Variants in MEF2A observed in about 807,000 individuals in gnomAD.
MEF2A encodes myocyte-specific enhancer factor 2A.
Under a neutral mutation model 55.8 loss-of-function variants are expected in MEF2A, and 28 were observed. The ratio of observed to expected loss-of-function variants is 0.50; its 90% CI spans 0.37 to 0.69. MEF2A has a LOEUF of 0.69. MEF2A is among the 30% of genes least tolerant of loss of function. The pLI, the probability that MEF2A is intolerant of heterozygous loss-of-function variation, is 0.00. For missense variants in MEF2A, 528 were observed against 626.2 expected, an observed-to-expected ratio of 0.84 and a Z score of 1.67; for synonymous variants, 239 against 227.1, an observed-to-expected ratio of 1.05 and a Z score of -0.47.
At chr15:99,571,195 A>ACAAC (rs1170758277) in intron 1 of MEF2A, among the ~76,000 whole-genome samples, 1 of 151,324 alleles carries the variant, frequency 6.6e-6, no homozygotes, top group African/African-American at 2.4e-5. Flanking sequence ...AAAAAAAAAA[A>ACAAC]AACAACAACA....
chr15:99,619,245 G>A (rs1596516704), intron 2 of MEF2A, among the ~76,000 whole-genome samples: 1 of 152,090 alleles, frequency 6.6e-6, no homozygotes, highest in African/African-American at 2.4e-5. Context: ...ACAGTCCCTG[G>A]GCAAGGCTGC....
chr15:99,700,778 G>A (rs1567486225), intron 8 of MEF2A, among the ~76,000 whole-genome samples: 1 of 152,136 alleles, frequency 6.6e-6, no homozygotes, highest in Non-Finnish European at 1.5e-5. Flanking sequence ...AAAGTCACGG[G>A]AGCTGGCCTT....
rs144276253 is a variant in MEF2A, at chr15:99,699,508, CTG to C, written c.859-3852_859-3851del. Among the ~76,000 whole-genome samples, 1,275 of 152,240 alleles carry C rather than the reference CTG, an allele frequency of 8.4e-3. 18 individuals carry two copies. The highest frequency in any genetic ancestry group is 0.028 in the African/African-American group (1,151 of 41,534). On this transcript the variant is annotated intron_variant, in intron 8 of 11. Transcript: ENST00000557942. ...TCTGTGTTTGTTGAAACTCATGAAA[CTG>C]TACCTACAAAGAGTGACTTTTACTA...
At chr15:99,637,896 G>T (rs1183483994) in intron 3 of MEF2A, among the ~76,000 whole-genome samples, 1 of 152,120 alleles carries the variant, frequency 6.6e-6, no homozygotes, top group Admixed American at 6.5e-5. Flanking sequence ...GCCCGCCTCG[G>T]CCTCCCAAAG....
At chr15:99,711,106 A>C (rs7167042) in intron 11 of MEF2A, among the ~76,000 whole-genome samples, 12,504 of 152,214 alleles carry the variant, frequency 0.082, 826 homozygotes, top group African/African-American at 0.18. Flanking sequence ...GAAGCTGCCT[A>C]CTGCACCCCT....
At chr15:99,706,559 A>G (rs1307806161) in intron 9 of MEF2A, 170 bp from the exon 10 acceptor site, 2 of 663,514 alleles carry the variant, frequency 3.0e-6, no homozygotes, top group Non-Finnish European at 5.0e-6. Context: ...GGACCCTTCA[A>G]ATTAAATATT....
In MEF2A at chr15:99,693,151, G is replaced by A. The variant is rs537148388; in HGVS notation, c.858+2723G>A. On this transcript the variant is annotated intron_variant, in intron 8 of 11. Coordinates refer to ENST00000557942, the MANE Select transcript of MEF2A (RefSeq NM_001319206.4). ...GTCCAGCTTCTAATGAAATTAACTC[G>A]ATTCTTGCACTAATAGCTTAGCAGG... 5.6e-4 allele frequency among the ~76,000 whole-genome samples: 85 copies of A among 152,224 alleles called. 1 individual carries two copies. The highest frequency in any genetic ancestry group is 2.0e-3 in the African/African-American group (84 of 41,518).
At chr15:99,595,000 G>A (rs899209286) in intron 1 of MEF2A, among the ~76,000 whole-genome samples, 4 of 152,116 alleles carry the variant, frequency 2.6e-5, no homozygotes, top group Non-Finnish European at 5.9e-5. Context: ...TATTGCTATA[G>A]TAGGCATTCA....
intron 3 of MEF2A, among the ~76,000 whole-genome samples, chr15:99,644,142 A>G (rs545981480): frequency 1.3e-4 from 20 of 152,356 alleles, no homozygotes; most frequent in South Asian, 2.1e-4. Flanking sequence ...CTTGACAAAT[A>G]CAGAGAAAAC....
chr15:99,611,237 G>A (rs1222672665), intron 2 of MEF2A, among the ~76,000 whole-genome samples: 4 of 152,230 alleles, frequency 2.6e-5, no homozygotes, highest in Non-Finnish European at 4.4e-5. Context: ...ACGAGACTCT[G>A]TCTCAAAAAC....
At chr15:99,607,986 A>G (rs1236774184) in intron 2 of MEF2A, among the ~76,000 whole-genome samples, 1 of 152,190 alleles carries the variant, frequency 6.6e-6, no homozygotes, top group Non-Finnish European at 1.5e-5. Context: ...GTAGAAATGA[A>G]TTGAGGTAGT....
At chr15:99,568,278 T>C (rs1960618773) in intron 1 of MEF2A, among the ~76,000 whole-genome samples, 2 of 152,210 alleles carry the variant, frequency 1.3e-5, no homozygotes, top group Admixed American at 1.3e-4. Flanking sequence ...TGAGAATAAT[T>C]TCCTTCTGTA....
At chr15:99,674,808 A>G (rs2051600467) in intron 6 of MEF2A, among the ~76,000 whole-genome samples, 196 bp downstream of exon 6, 1 of 152,194 alleles carries the variant, frequency 6.6e-6, no homozygotes, top group Non-Finnish European at 1.5e-5. Context: ...GCAAAGTAGA[A>G]CAGTACTGAG....
At chr15:99,670,549 G>T (rs1282940276) in intron 4 of MEF2A, among the ~76,000 whole-genome samples, 1 of 152,112 alleles carries the variant, frequency 6.6e-6, no homozygotes, top group Non-Finnish European at 1.5e-5. Context: ...GGCGGAGCTT[G>T]CAGTGAGCCA....
At chr15:99,639,581 G>C (rs1037807099) in intron 3 of MEF2A, among the ~76,000 whole-genome samples, 1 of 152,126 alleles carries the variant, frequency 6.6e-6, no homozygotes, top group African/African-American at 2.4e-5. Flanking sequence ...AAGTTGCTCT[G>C]TGATAGTTTC....
Position 99,675,382 on chromosome 15 carries a change from C to G in MEF2A, c.611-17C>G, listed in dbSNP as rs1345017067. 3 of 1,612,516 alleles carry G rather than the reference C, an allele frequency of 1.9e-6. No homozygotes were observed. The highest frequency in any genetic ancestry group is 1.7e-6 in the Non-Finnish European group (2 of 1,178,540). ...ATTCATTCTCTGCCCTCTGTCTTCT[C>G]TCCGTAACGTTGTTAGGTGGGATGT... On this transcript the variant is annotated splice_polypyrimidine_tract_variant and intron_variant, in intron 6 of 11. Transcript: ENST00000557942.
At chr15:99,604,872 G>C (rs951408339) in intron 2 of MEF2A, among the ~76,000 whole-genome samples, 2 of 152,080 alleles carry the variant, frequency 1.3e-5, no homozygotes, top group Non-Finnish European at 2.9e-5. Flanking sequence ...CCTTTTGAGG[G>C]CTATACTCCA....
intron 4 of MEF2A, among the ~76,000 whole-genome samples, chr15:99,662,128 A>G (rs1204148269): frequency 2.6e-5 from 4 of 152,234 alleles, no homozygotes; most frequent in Non-Finnish European, 1.5e-5. Context: ...GATAATTGTC[A>G]TCACAGAGTT....
intron 10 of MEF2A, 150 bp from the exon 11 acceptor site, chr15:99,710,484 C>T (rs533645215): frequency 1.2e-6 from 1 of 825,900 alleles, no homozygotes; most frequent in Admixed American, 2.6e-5. Context: ...CTCAAGTGAT[C>T]CGCCCATCTT....
Sources: gnomAD v4.1 joint callset for allele counts (sites outside exome capture counted in the v4.1 genomes callset) on GRCh38, gnomAD v4.1.1 for gene constraint, MANE v1.5 for transcripts, NCBI Gene and HGNC (gene_info 2026-07-23, HGNC 2026-07-21) for gene names.